The following PCDH9 variants were observed in gnomAD, a reference collection of about 807,000 sequenced individuals.
PCDH9 encodes the protein protocadherin 9, also known as protocadherin-9.
In PCDH9, 24 loss-of-function variants were observed where a neutral mutation model predicts 70.6. The ratio of observed to expected loss-of-function variants is 0.34; its 90% CI spans 0.25 to 0.48. The LOEUF (loss-of-function observed/expected upper bound fraction) is 0.48. Ranked by LOEUF, PCDH9 falls within the 20% of genes least tolerant of loss-of-function variation. The probability of loss-of-function intolerance (pLI) is 0.99; values close to 1 mark genes in which losing one functional copy is unlikely to be tolerated. For missense variants in PCDH9, 1,281 were observed against 1,503.6 expected (o/e 0.85, Z 2.45); for synonymous variants, 562 against 558.5 (o/e 1.01, Z -0.09).
At chr13:67,018,307 CATAA>C (rs1487330732) in intron 2 of PCDH9, among the ~76,000 whole-genome samples, 1 of 151,842 alleles carries the variant, frequency 6.6e-6, no homozygotes, top group East Asian at 1.9e-4. Context: ...TCAAAAGAAA[CATAA>C]ATAAATAAAA....
intron 4 of PCDH9, among the ~76,000 whole-genome samples, chr13:66,456,745 C>T (rs1275074436): frequency 1.3e-5 from 2 of 152,158 alleles, no homozygotes; most frequent in East Asian, 3.9e-4. Context: ...TTCCAAGTAT[C>T]ACAGCCTAAT....
intron 3 of PCDH9, among the ~76,000 whole-genome samples, chr13:66,835,262 G>A (rs2080996840): frequency 6.6e-6 from 1 of 152,168 alleles, no homozygotes; most frequent in South Asian, 2.1e-4. Flanking sequence ...CAGAACTCCC[G>A]CACACCCGGC....
chr13:66,467,352 T>C (rs1008678281), intron 4 of PCDH9, among the ~76,000 whole-genome samples: 2 of 152,120 alleles, frequency 1.3e-5, no homozygotes, highest in Admixed American at 6.6e-5. Flanking sequence ...CCCGGTTTCC[T>C]GTGGATTCTT....
chr13:66,957,406 T>C (rs754919460), intron 2 of PCDH9, among the ~76,000 whole-genome samples: 29 of 152,164 alleles, frequency 1.9e-4, no homozygotes, highest in East Asian at 9.6e-4. Context: ...TGTGACCTCA[T>C]TGACGTTTTT....
chr13:67,139,231 G>A (rs897764679), intron 2 of PCDH9, among the ~76,000 whole-genome samples: 25 of 152,184 alleles, frequency 1.6e-4, no homozygotes, highest in African/African-American at 6.0e-4. Context: ...GTCACACTAT[G>A]TGTGAATCAA....
At chr13:66,458,550 T>C (rs1365206165) in intron 4 of PCDH9, among the ~76,000 whole-genome samples, 1 of 151,998 alleles carries the variant, frequency 6.6e-6, no homozygotes, top group African/African-American at 2.4e-5. Context: ...ACTCTCTCTC[T>C]CCATCCTTTC....
At chr13:67,042,817 G>C (rs2085147760) in intron 2 of PCDH9, among the ~76,000 whole-genome samples, 1 of 152,074 alleles carries the variant, frequency 6.6e-6, no homozygotes, top group Non-Finnish European at 1.5e-5. Flanking sequence ...TGTTCTAAGC[G>C]AAACATGGAA....
chr13:66,649,985 C>A, intron 3 of PCDH9, among the ~76,000 whole-genome samples: 1 of 149,658 alleles, frequency 6.7e-6, no homozygotes, highest in African/African-American at 2.5e-5. Context: ...AAACACACAA[C>A]AGATACAAAA....
chr13:67,134,596 CCTTT>C (rs1486773274), intron 2 of PCDH9, among the ~76,000 whole-genome samples: 2 of 151,848 alleles, frequency 1.3e-5, no homozygotes, highest in South Asian at 2.1e-4. Flanking sequence ...TGTTTTTCTT[CCTTT>C]CTTTCTTTCT....
intron 3 of PCDH9, among the ~76,000 whole-genome samples, chr13:66,737,482 G>C (rs560186962): frequency 6.6e-6 from 1 of 152,152 alleles, no homozygotes; most frequent in South Asian, 2.1e-4. Flanking sequence ...ATTTGGAAGA[G>C]GGGGGAGGAG....
Position 66,808,550 on chromosome 13 carries a change from A to C in PCDH9, c.3138+94954T>G, listed in dbSNP as rs1437570035. The stretch of plus-strand genomic sequence containing the variant: ...AAAACAGAATTAGCACACCGTTAAC[A>C]GATTTGAGGACGTGTAAACCAGTTC... On this transcript the variant is annotated intron_variant, in intron 3 of 4. Coordinates refer to ENST00000377865, the MANE Select transcript of PCDH9 (RefSeq NM_203487.3). Among the ~76,000 whole-genome samples the C allele has an allele frequency of 2.0e-5, 3 of 152,314 alleles. No individual in the cohort carries two copies. In the East Asian group the frequency reaches 5.8e-4, roughly 29 times the overall value.
At chr13:66,562,773 C>A (rs999053074) in intron 4 of PCDH9, among the ~76,000 whole-genome samples, 2 of 152,004 alleles carry the variant, frequency 1.3e-5, no homozygotes, top group African/African-American at 4.8e-5. Context: ...AGCTGTCTGC[C>A]TTGAGTAAGT....
chr13:66,338,999 C>A (rs1210854164), intron 4 of PCDH9, among the ~76,000 whole-genome samples: 2 of 151,994 alleles, frequency 1.3e-5, no homozygotes, highest in African/African-American at 4.8e-5. Flanking sequence ...AGATTCTTGG[C>A]AGTGTATGAT....
At chr13:66,452,784 T>G (rs1958239859) in intron 4 of PCDH9, among the ~76,000 whole-genome samples, 2 of 152,220 alleles carry the variant, frequency 1.3e-5, no homozygotes, top group Non-Finnish European at 2.9e-5. Context: ...TACATTCGTC[T>G]TGATTATACA....
intron 4 of PCDH9, among the ~76,000 whole-genome samples, chr13:66,456,296 T>G (rs1488502665): frequency 6.6e-6 from 1 of 152,150 alleles, no homozygotes; most frequent in Non-Finnish European, 1.5e-5. Context: ...GGTCTGGCTG[T>G]GTTGTCCCAG....
At chr13:66,588,135 C>G (rs2076987664) in intron 4 of PCDH9, among the ~76,000 whole-genome samples, 1 of 151,958 alleles carries the variant, frequency 6.6e-6, no homozygotes, top group Non-Finnish European at 1.5e-5. Context: ...TGGCATTGGG[C>G]CACCTTCACA....
chr13:66,541,736 G>A (rs138270950), intron 4 of PCDH9, among the ~76,000 whole-genome samples: 1 of 152,112 alleles, frequency 6.6e-6, no homozygotes, highest in African/African-American at 2.4e-5. Flanking sequence ...CCAAATAACA[G>A]GGCCACATTC....
chr13:67,036,655 T>C (rs2085015075), intron 2 of PCDH9, among the ~76,000 whole-genome samples: 1 of 152,214 alleles, frequency 6.6e-6, no homozygotes, highest in Non-Finnish European at 1.5e-5. Context: ...TCTAAACATG[T>C]TGGTTTTCCC....
At chr13:66,527,935 T>C (rs1960284148) in intron 4 of PCDH9, among the ~76,000 whole-genome samples, 1 of 152,074 alleles carries the variant, frequency 6.6e-6, no homozygotes, top group Non-Finnish European at 1.5e-5. Flanking sequence ...GGAGAATTGC[T>C]TGAACCTGGA....
Sources: allele counts gnomAD v4.1 joint callset (sites outside exome capture counted in the v4.1 genomes callset), GRCh38; gene constraint gnomAD v4.1.1; transcripts MANE v1.5; gene names NCBI Gene and HGNC (gene_info 2026-07-23, HGNC 2026-07-21).